Variants in ALPK1 observed in about 807,000 individuals in gnomAD.
ALPK1 encodes the protein alpha kinase 1.
Under a neutral mutation model 120.6 loss-of-function variants are expected in ALPK1, and 110 were observed. The observed-to-expected ratio is 0.91, with a 90% CI of 0.78 to 1.07. The LOEUF (loss-of-function observed/expected upper bound fraction) is 1.07. ALPK1 is among the 50% of genes least tolerant of loss of function. ALPK1 has a pLI of 0.00. For missense variants in ALPK1, 1,498 were observed against 1,483.9 expected (o/e 1.01, Z -0.16); for synonymous variants, 582 against 560.3 (o/e 1.04, Z -0.55).
Position 112,432,294 on chromosome 4 carries a change from A to G in ALPK1, c.2747A>G (p.Asn916Ser). 3 of 1,614,170 alleles carry G rather than the reference A, an allele frequency of 1.9e-6. No individual in the cohort carries two copies. The highest frequency in any genetic ancestry group is 2.5e-6 in the Non-Finnish European group (3 of 1,180,010). ...ACAGAGGAAGGAAATCAGCCTGGAA[A>G]CATGCTAAACTGCAGCCAGAACTCC... The part of the protein sequence containing the change: ...TTTEEGNQPG[N>S]MLNCSQNSSS... Residue 916 changes from asparagine to serine, a missense_variant, in exon 11 of 16, where the codon AAC (asparagine) becomes AGC (serine). Asn to Ser is a conservative substitution (Grantham distance 46). Coordinates refer to ENST00000650871, the MANE Select transcript of ALPK1 (RefSeq NM_025144.4).
intron 1 of ALPK1, among the ~76,000 whole-genome samples, chr4:112,306,638 C>G (rs1183807377): frequency 2.0e-5 from 3 of 151,918 alleles, no homozygotes; most frequent in African/African-American, 4.8e-5. Flanking sequence ...ATTCTTCTCT[C>G]TTTTTTTCTT....
intron 1 of ALPK1, among the ~76,000 whole-genome samples, chr4:112,304,854 G>A (rs2110522633): frequency 6.6e-6 from 1 of 152,178 alleles, no homozygotes; most frequent in East Asian, 1.9e-4. Context: ...TAATGCCTAG[G>A]TTTTCTTCTA....
chr4:112,327,521 A>G (rs1296885344), intron 2 of ALPK1, among the ~76,000 whole-genome samples: 3 of 152,160 alleles, frequency 2.0e-5, no homozygotes, highest in African/African-American at 7.2e-5. Flanking sequence ...TATAACCTTG[A>G]ACTCCTAGGC....
chr4:112,298,968 A>C (rs1484952810), intron 1 of ALPK1, among the ~76,000 whole-genome samples: 1 of 152,148 alleles, frequency 6.6e-6, no homozygotes, highest in Middle Eastern at 3.2e-3. Context: ...TTTTGGCATA[A>C]GCTGTTCATT....
chr4:112,364,147 A>G (rs1447156351), intron 2 of ALPK1, among the ~76,000 whole-genome samples: 1 of 152,138 alleles, frequency 6.6e-6, no homozygotes, highest in Non-Finnish European at 1.5e-5. Context: ...TCACGCCTCA[A>G]GGAACTAGAG....
intron 4 of ALPK1, among the ~76,000 whole-genome samples, chr4:112,408,913 A>G (rs572434340): frequency 5.3e-5 from 8 of 152,330 alleles, no homozygotes; most frequent in African/African-American, 1.2e-4. Flanking sequence ...AAGTAAACAC[A>G]TAAAAGGGGA....
chr4:112,433,438 A>G (rs986555394), intron 11 of ALPK1, among the ~76,000 whole-genome samples: 17 of 152,124 alleles, frequency 1.1e-4, no homozygotes, highest in Admixed American at 9.2e-4. Flanking sequence ...AGCTCCCAAC[A>G]CCATCACCTT....
rs186139398 is a variant in ALPK1, at chr4:112,367,708, G to A, written c.-100-9970G>A. Among the ~76,000 whole-genome samples the A allele has an allele frequency of 2.0e-4, 30 of 152,222 alleles. 1 individual carries two copies. The highest frequency in any genetic ancestry group is 6.5e-4 in the African/African-American group (27 of 41,522). On this transcript the variant is annotated intron_variant, in intron 2 of 15. Coordinates refer to ENST00000650871, the MANE Select transcript of ALPK1 (RefSeq NM_025144.4). Reference sequence around the variant, plus strand: ...TGCAATCACAATTATCTCTCCAAATGGTTCTACTGCTGCTCCCTCTTCTTC... The same window carrying A: ...TGCAATCACAATTATCTCTCCAAATAGTTCTACTGCTGCTCCCTCTTCTTC...
intron 4 of ALPK1, among the ~76,000 whole-genome samples, chr4:112,405,431 C>A (rs111869035): frequency 6.6e-6 from 1 of 152,068 alleles, no homozygotes; most frequent in East Asian, 1.9e-4. Context: ...ATAACAAGAT[C>A]ACTCTTTTTA....
At chr4:112,357,604 T>G in intron 2 of ALPK1, 1 of 1,600,688 alleles carries the variant, frequency 6.2e-7, no homozygotes, top group Non-Finnish European at 8.6e-7. Context: ...GCAGATCCCT[T>G]TCCCAGTCTG....
At chr4:112,418,222 A>G (rs1288443681) in intron 5 of ALPK1, among the ~76,000 whole-genome samples, 1 of 152,178 alleles carries the variant, frequency 6.6e-6, no homozygotes, top group Non-Finnish European at 1.5e-5. Flanking sequence ...CGTGGCAGAG[A>G]AGTCACCAAG....
intron 4 of ALPK1, among the ~76,000 whole-genome samples, chr4:112,396,961 G>C (rs1732678881): frequency 1.3e-5 from 2 of 152,028 alleles, no homozygotes; most frequent in African/African-American, 4.8e-5. Context: ...TATTTTAACA[G>C]AGGTAGGTCA....
intron 2 of ALPK1, 40 bp downstream of exon 2, chr4:112,315,892 T>G (rs908769315): frequency 6.6e-6 from 1 of 152,174 alleles, no homozygotes; most frequent in Non-Finnish European, 1.5e-5. Flanking sequence ...AGTTATTTTT[T>G]CCTAACTACA....
rs527459521 is a variant in ALPK1, at chr4:112,307,701, A to C, written c.-152-8100A>C. Among the ~76,000 whole-genome samples, 259 of 152,210 alleles carry C rather than the reference A, an allele frequency of 1.7e-3. 1 individual carries two copies. The highest frequency in any genetic ancestry group is 3.4e-3 in the Middle Eastern group (1 of 294). On this transcript the variant is annotated intron_variant, in intron 1 of 15. Transcript: ENST00000650871. ...ACTGATGGGTCTTGACTCCTTATCC[A>C]ATTTGCCAGTCTGTGTCTTTTAATT...
At chr4:112,358,522 C>A in intron 2 of ALPK1, 1 of 679,718 alleles carries the variant, frequency 1.5e-6, no homozygotes, top group Admixed American at 2.3e-5. Flanking sequence ...CTGCTGGGGA[C>A]CCGGAGGGCA....
intron 1 of ALPK1, among the ~76,000 whole-genome samples, chr4:112,304,512 A>C (rs1321634458): frequency 6.6e-6 from 1 of 152,004 alleles, no homozygotes; most frequent in African/African-American, 2.4e-5. Context: ...GATGATGAGC[A>C]TTTTTTCATG....
chr4:112,348,903 T>C (rs1216984064), intron 2 of ALPK1, among the ~76,000 whole-genome samples: 1 of 152,224 alleles, frequency 6.6e-6, no homozygotes, highest in East Asian at 1.9e-4. Flanking sequence ...GATGAGGGGC[T>C]GTGGGTGTTT....
At chr4:112,413,401 G>A (rs1332036861) in intron 5 of ALPK1, among the ~76,000 whole-genome samples, 1 of 152,142 alleles carries the variant, frequency 6.6e-6, no homozygotes, top group Admixed American at 6.5e-5. Flanking sequence ...GTCCAAACTG[G>A]TCTTTCAGGT....
chr4:112,377,480 C>T (rs1304706583), intron 2 of ALPK1, among the ~76,000 whole-genome samples, 198 bp from the exon 3 acceptor site: 2 of 152,162 alleles, frequency 1.3e-5, no homozygotes, highest in African/African-American at 2.4e-5. Context: ...AGGCCCCTCT[C>T]GCTTCTGCAC....
Sources: gnomAD v4.1 joint callset for allele counts (sites outside exome capture counted in the v4.1 genomes callset) on GRCh38, gnomAD v4.1.1 for gene constraint, MANE v1.5 for transcripts, NCBI Gene and HGNC (gene_info 2026-07-23, HGNC 2026-07-21) for gene names.